The following ARHGEF10L variants were observed in gnomAD, a reference collection of about 807,000 sequenced individuals.
ARHGEF10L encodes Rho guanine nucleotide exchange factor 10 like.
Under a neutral mutation model 141.2 loss-of-function variants are expected in ARHGEF10L, and 69 were observed. That is an observed-to-expected ratio of 0.49 (90% CI 0.40 to 0.60). The LOEUF is 0.60. Ranked by LOEUF, ARHGEF10L falls within the 20% of genes least tolerant of loss-of-function variation. The probability of loss-of-function intolerance (pLI) is 0.00; values close to 1 mark genes in which losing one functional copy is unlikely to be tolerated. For missense variants in ARHGEF10L, 1,482 were observed against 1,734.3 expected (o/e 0.85, Z 2.58); for synonymous variants, 711 against 718.5 (o/e 0.99, Z 0.17).
At chr1:17,657,647 A>G (rs1322840012) in intron 25 of ARHGEF10L, among the ~76,000 whole-genome samples, 2 of 151,462 alleles carry the variant, frequency 1.3e-5, no homozygotes, top group African/African-American at 4.9e-5. Flanking sequence ...CTGTGTTGGT[A>G]TTTTTAATTA....
the ARHGEF10L span, among the ~76,000 whole-genome samples, chr1:17,519,853 AAG>A: frequency 1.3e-5 from 2 of 152,132 alleles, no homozygotes; most frequent in South Asian, 2.1e-4. Flanking sequence ...AAAAAAAAAA[AAG>A]AGGAAACTGA....
At chr1:17,672,891 A>G (rs1480241901) in intron 26 of ARHGEF10L, among the ~76,000 whole-genome samples, 2 of 151,998 alleles carry the variant, frequency 1.3e-5, no homozygotes, top group Non-Finnish European at 2.9e-5. Context: ...GAGGGGGTGA[A>G]GAGCATCTCA....
At chr1:17,629,362 A>G (rs2060555158) in intron 15 of ARHGEF10L, among the ~76,000 whole-genome samples, 1 of 152,154 alleles carries the variant, frequency 6.6e-6, no homozygotes, top group African/African-American at 2.4e-5. Context: ...AGTAGTTGCC[A>G]ACATTTAAAA....
In ARHGEF10L at chr1:17,628,769, G is replaced by A. The variant is rs150313190; in HGVS notation, c.1584+1266G>A. On this transcript the variant is annotated intron_variant, in intron 15 of 28. Transcript: ENST00000361221. ...CAGCACGGGGTAGACCTTTCTAAGA[G>A]TCCAGGAAGGAGTACCCAGAGGGAG... is the stretch of plus-strand genomic sequence containing the variant. 6.7e-3 allele frequency among the ~76,000 whole-genome samples: 1,026 copies of A among 152,300 alleles called. 14 individuals are homozygous for A. The highest frequency in any genetic ancestry group is 9.7e-3 in the Non-Finnish European group (658 of 68,026).
At chr1:17,597,367 A>C (rs977902435) in intron 4 of ARHGEF10L, among the ~76,000 whole-genome samples, 15 of 152,062 alleles carry the variant, frequency 9.9e-5, no homozygotes, top group Non-Finnish European at 2.9e-5. Context: ...TTCCATGGAC[A>C]GCGGCTGGGA....
the ARHGEF10L span, among the ~76,000 whole-genome samples, chr1:17,523,277 T>TG: frequency 6.6e-6 from 1 of 151,942 alleles, no homozygotes; most frequent in African/African-American, 2.4e-5. Flanking sequence ...TCAGTAGAGA[T>TG]GGGGTTTCAC....
chr1:17,674,994 G>A (rs773844362), intron 26 of ARHGEF10L, among the ~76,000 whole-genome samples: 1 of 152,094 alleles, frequency 6.6e-6, no homozygotes, highest in Non-Finnish European at 1.5e-5. Context: ...TATTCCTGTC[G>A]TTAAGCAACA....
At chr1:17,688,644 G>T (rs575373956) in intron 27 of ARHGEF10L, among the ~76,000 whole-genome samples, 2 of 152,234 alleles carry the variant, frequency 1.3e-5, no homozygotes, top group African/African-American at 2.4e-5. Flanking sequence ...TGTGGCAGGT[G>T]GGGGCCTGGA....
At chr1:17,651,116 G>C (rs189141755) in intron 22 of ARHGEF10L, among the ~76,000 whole-genome samples, 2 of 152,244 alleles carry the variant, frequency 1.3e-5, no homozygotes, top group African/African-American at 4.8e-5. Flanking sequence ...CATTAATATT[G>C]ATTTTTTTAA....
chr1:17,635,759 G>A (rs1385468891), intron 18 of ARHGEF10L, among the ~76,000 whole-genome samples: 1 of 152,196 alleles, frequency 6.6e-6, no homozygotes, highest in Admixed American at 6.5e-5. Flanking sequence ...GCTCTGTCCA[G>A]GAGCCTAGGG....
intron 26 of ARHGEF10L, among the ~76,000 whole-genome samples, chr1:17,684,394 G>T (rs35661751): frequency 0.025 from 3,799 of 152,274 alleles, 64 homozygotes; most frequent in Middle Eastern, 0.071. Context: ...ATGGGGGCAT[G>T]GTCTCTCCCC....
At chr1:17,602,286 C>G (rs959609822) in intron 5 of ARHGEF10L, 68 bp downstream of exon 5, 34 of 1,508,178 alleles carry the variant, frequency 2.3e-5, no homozygotes, top group Non-Finnish European at 3.0e-5. Flanking sequence ...GTCTTTCTAA[C>G]CCAAGAGAGC....
At chr1:17,547,093 GC>G (rs749437510) in intron 1 of ARHGEF10L, among the ~76,000 whole-genome samples, 36 of 152,214 alleles carry the variant, frequency 2.4e-4, no homozygotes, top group Non-Finnish European at 4.6e-4. Context: ...GCCTTTGACA[GC>G]CCCTAGCAGC....
At chr1:17,687,858 C>T (rs894258938) in intron 27 of ARHGEF10L, 111 bp downstream of exon 27, 2 of 1,233,738 alleles carry the variant, frequency 1.6e-6, no homozygotes, top group South Asian at 1.6e-5. Flanking sequence ...GCCCTGAAAA[C>T]TGGGGCTTTA....
intron 21 of ARHGEF10L, among the ~76,000 whole-genome samples, chr1:17,647,278 G>A (rs1436135953): frequency 2.6e-5 from 4 of 152,170 alleles, no homozygotes; most frequent in South Asian, 2.1e-4. Context: ...CTAAATCCCT[G>A]AGTGCCAGTG....
In ARHGEF10L at chr1:17,613,030, C is replaced by G. The variant is rs763356113; in HGVS notation, c.610-28C>G. 3.3e-6 allele frequency: 5 copies of G among 1,535,942 alleles called. No individual in the cohort carries two copies. The Admixed American group carries it at 8.4e-5, about 26-fold the overall frequency. ...CCCGCCTGCTCCTCTCACCTGCTTT[C>G]CTTCTGCCTGGCCGCTTGGGGCTCC... On this transcript the variant is annotated intron_variant, in intron 7 of 28. Transcript: ENST00000361221.
At chr1:17,515,633 G>T in the ARHGEF10L span, among the ~76,000 whole-genome samples, 1,669 of 151,776 alleles carry the variant, frequency 0.011, 40 homozygotes, top group African/African-American at 0.036. Context: ...TTCTCTTTTT[G>T]CTTTTCTTTT....
At chr1:17,546,965 C>T (rs2076939361) in intron 1 of ARHGEF10L, among the ~76,000 whole-genome samples, 1 of 152,180 alleles carries the variant, frequency 6.6e-6, no homozygotes, top group Non-Finnish European at 1.5e-5. Flanking sequence ...TGAACTTGCC[C>T]AGGGTTGAGC....
At chr1:17,691,414 G>C (rs757933617) in intron 27 of ARHGEF10L, among the ~76,000 whole-genome samples, 1 of 151,992 alleles carries the variant, frequency 6.6e-6, no homozygotes, top group Non-Finnish European at 1.5e-5. Flanking sequence ...CGGTTTTGCC[G>C]TCCAGTGGGG....
Sources: gnomAD v4.1 joint callset for allele counts (sites outside exome capture counted in the v4.1 genomes callset) on GRCh38, gnomAD v4.1.1 for gene constraint, MANE v1.5 for transcripts, NCBI Gene and HGNC (gene_info 2026-07-23, HGNC 2026-07-21) for gene names.